Variants in FAM107A observed in about 807,000 individuals in gnomAD.
The protein encoded by FAM107A is family with sequence similarity 107 member A.
Under a neutral mutation model 13.7 loss-of-function variants are expected in FAM107A, and 19 were observed. That is an observed-to-expected ratio of 1.38 (90% confidence interval 0.97 to 2.03). The LOEUF is 2.03. Ranked by LOEUF, FAM107A falls within the 30% of genes most tolerant of loss-of-function variation. The pLI, the probability that FAM107A is intolerant of heterozygous loss-of-function variation, is 0.00. For missense variants in FAM107A, 203 were observed against 184.4 expected (o/e 1.10, Z -0.58); for synonymous variants, 82 against 74.5 (o/e 1.10, Z -0.52).
intron 2 of FAM107A, among the ~76,000 whole-genome samples, chr3:58,568,417 AG>A (rs1353030102): frequency 6.6e-6 from 1 of 152,016 alleles, no homozygotes; most frequent in Admixed American, 6.5e-5. Context: ...CCTGGGCGAC[AG>A]AGCGAGACTT....
At chr3:58,582,980 G>A (rs764501285) in intron 1 of FAM107A, among the ~76,000 whole-genome samples, 47 of 152,096 alleles carry the variant, frequency 3.1e-4, no homozygotes, top group Non-Finnish European at 2.9e-4. Flanking sequence ...TGTATTTTTG[G>A]TAGAGATGGG....
intron 1 of FAM107A, among the ~76,000 whole-genome samples, chr3:58,586,357 C>T (rs1317957237): frequency 6.6e-6 from 1 of 151,814 alleles, no homozygotes; most frequent in Non-Finnish European, 1.5e-5. Context: ...CAATGTATGT[C>T]ATAGATCCCC....
chr3:58,602,565 G>T (rs181180992), intron 1 of FAM107A, among the ~76,000 whole-genome samples: 1 of 152,206 alleles, frequency 6.6e-6, no homozygotes, highest in Non-Finnish European at 1.5e-5. Flanking sequence ...AACGTCCAGC[G>T]ATAGGGGATT....
intron 1 of FAM107A, among the ~76,000 whole-genome samples, chr3:58,571,310 T>C (rs2063681295): frequency 6.6e-6 from 1 of 152,216 alleles, no homozygotes; most frequent in African/African-American, 2.4e-5. Context: ...AGGTGCTGTG[T>C]AACCTGGAAA....
chr3:58,583,990 T>C (rs1430627106), intron 1 of FAM107A, among the ~76,000 whole-genome samples: 2 of 152,196 alleles, frequency 1.3e-5, no homozygotes, highest in Non-Finnish European at 2.9e-5. Flanking sequence ...AGCCTCTATT[T>C]TGGGTCTGAA....
intron 1 of FAM107A, among the ~76,000 whole-genome samples, chr3:58,610,463 G>A (rs1449015264): frequency 2.0e-5 from 3 of 152,146 alleles, no homozygotes; most frequent in South Asian, 2.1e-4. Context: ...ATTTGCTGAG[G>A]GATAGAAAGA....
Position 58,606,722 on chromosome 3 carries a change from A to G in FAM107A, c.-69-17453T>C, listed in dbSNP as rs74755182. ...CACACTGGAAAATGTTGGACCACAGAGTACAGGCTAAAGTTTCTATCTGAA... is the reference window on the plus strand; with the variant it reads ...CACACTGGAAAATGTTGGACCACAGGGTACAGGCTAAAGTTTCTATCTGAA... On this transcript the variant is annotated intron_variant, in intron 1 of 3. Transcript: ENST00000465970. Among the ~76,000 whole-genome samples the G allele has an allele frequency of 3.1e-4, 47 of 152,368 alleles. No individual in the cohort carries two copies. The East Asian group carries it at 7.5e-3, about 24-fold the overall frequency.
intron 1 of FAM107A, among the ~76,000 whole-genome samples, chr3:58,601,815 T>C (rs377081620): frequency 2.6e-5 from 4 of 152,234 alleles, no homozygotes; most frequent in South Asian, 4.1e-4. Context: ...ATGCTAATAA[T>C]CACCCCGGAA....
chr3:58,602,942 T>TTTATG (rs2065764812), intron 1 of FAM107A, among the ~76,000 whole-genome samples: 1 of 152,316 alleles, frequency 6.6e-6, no homozygotes, highest in South Asian at 2.1e-4. Flanking sequence ...GTTATGTGAA[T>TTTATG]TTATGTGAAT....
rs2063620955 is a variant in FAM107A, at chr3:58,566,364, C to T, written c.*224G>A. 1 of 528,232 alleles carries T rather than the reference C, an allele frequency of 1.9e-6. No homozygotes were observed. The allele number at this position is 528,232 out of a possible 1,614,324, so 32.7% of individuals were successfully genotyped here. ...CTTGCAGGGAGGGGTGCAGGTTATC[C>T]CTCTTGGAGCAGGAGGGCTGGGTGC... On this transcript the variant is annotated 3_prime_UTR_variant, in exon 4 of 4. Transcript: ENST00000360997.
rs1459892652 is a variant in FAM107A, at chr3:58,564,799, A to G, written c.*1789T>C. On this transcript the variant is annotated 3_prime_UTR_variant, in exon 4 of 4. Coordinates refer to ENST00000360997, the MANE Select transcript of FAM107A (RefSeq NM_001076778.3). This position sits in a 1 kb window ranked among gnomAD's most constrained non-coding sequence, Gnocchi z 5.6. The stretch of plus-strand genomic sequence containing the variant: ...AACCCTCACCTGGCAGACATTAAAC[A>G]GCGTAAACACATTCTCAGCACGCCA... 1.3e-5 allele frequency: 2 copies of G among 152,274 alleles called. No homozygotes were observed. The highest frequency in any genetic ancestry group is 4.8e-5 in the African/African-American group (2 of 41,458). The allele number at this position is 152,274 out of a possible 1,614,324, so 9.4% of individuals were successfully genotyped here. A position where few individuals can be genotyped will look rare whatever the true frequency, so the allele number is the denominator to read the frequency against.
At chr3:58,571,772 C>T (rs759977483) in intron 1 of FAM107A, among the ~76,000 whole-genome samples, 10 of 152,176 alleles carry the variant, frequency 6.6e-5, no homozygotes, top group South Asian at 4.1e-4. Context: ...CTTTCCTTCC[C>T]GTGACCTCAG....
At chr3:58,627,074 C>T in intron 1 of FAM107A, 2 of 1,446,288 alleles carry the variant, frequency 1.4e-6, no homozygotes, top group Non-Finnish European at 1.9e-6. Flanking sequence ...TCTCAGGAGC[C>T]AGGACCCAAG....
At chr3:58,568,513 T>A (rs999064698) in intron 2 of FAM107A, among the ~76,000 whole-genome samples, 1 of 152,182 alleles carries the variant, frequency 6.6e-6, no homozygotes, top group Non-Finnish European at 1.5e-5. Flanking sequence ...AAAATAAAAT[T>A]TATTTATATT....
intron 1 of FAM107A, among the ~76,000 whole-genome samples, chr3:58,605,650 T>A (rs959525045): frequency 6.6e-6 from 1 of 152,182 alleles, no homozygotes; most frequent in South Asian, 2.1e-4. Context: ...TGTCAAGTTG[T>A]TTTTAGTGGT....
chr3:58,605,348 G>C (rs2065784186), intron 1 of FAM107A, among the ~76,000 whole-genome samples: 1 of 152,206 alleles, frequency 6.6e-6, no homozygotes, highest in Admixed American at 6.5e-5. Context: ...GTGGGTCATG[G>C]GGGACCCCCA....
intron 1 of FAM107A, among the ~76,000 whole-genome samples, chr3:58,576,596 T>G (rs190519370): frequency 6.6e-6 from 1 of 152,288 alleles, no homozygotes; most frequent in East Asian, 1.9e-4. Context: ...CTACTTGGGT[T>G]TGGTAGCAGT....
At position 58,604,369 on chromosome 3, in the gene FAM107A, T is replaced by C. The variant is rs1029608151; in HGVS notation, c.-69-15100A>G. Among the ~76,000 whole-genome samples, 2 of 152,126 alleles carry C rather than the reference T, an allele frequency of 1.3e-5. No individual in the cohort carries two copies. Among genetic ancestry groups the C allele is most frequent in the Admixed American group, 1.3e-4 (2 of 15,272 alleles). On this transcript the variant is annotated intron_variant, in intron 1 of 3. Coordinates refer to the FAM107A transcript ENST00000465970. The surrounding 1 kb of genome is among the most constrained non-coding windows in gnomAD (Gnocchi z 4.1). ...CCAGGCCTCAGCTCAGAGCATGTCC[T>C]GGGCTGATAACAGGTCCTGTGCCAG...
upstream of FAM107A, among the ~76,000 whole-genome samples, chr3:58,582,735 C>T (rs2065561990): frequency 1.3e-5 from 2 of 152,206 alleles, no homozygotes; most frequent in Admixed American, 6.5e-5. Context: ...ACCGTGGCTG[C>T]CATGGAGTCA....
Sources: gnomAD v4.1 joint callset for allele counts (sites outside exome capture counted in the v4.1 genomes callset) on GRCh38, gnomAD v4.1.1 for gene constraint, Gnocchi (gnomAD v3.1) non-coding constraint, MANE v1.5 for transcripts, NCBI Gene and HGNC (gene_info 2026-07-23, HGNC 2026-07-21) for gene names.